The following MMP21 variants were observed in gnomAD, a reference collection of about 807,000 sequenced individuals.
MMP21 encodes the protein matrix metalloproteinase-21.
MMP21 carries 40 observed loss-of-function variants against 47.8 expected under a neutral mutation model. That is an observed-to-expected ratio of 0.84 (90% CI 0.65 to 1.09). The LOEUF is 1.09. MMP21 is among the 50% of genes least tolerant of loss of function. The probability of loss-of-function intolerance (pLI) is 0.00; values close to 1 mark genes in which losing one functional copy is unlikely to be tolerated. For missense variants in MMP21, 747 were observed against 775.3 expected, an observed-to-expected ratio of 0.96 and a Z score of 0.43; for synonymous variants, 341 against 318.0, an observed-to-expected ratio of 1.07 and a Z score of -0.77.
intron 5 of MMP21, 125 bp downstream of exon 5, chr10:125,770,209 C>T (rs61871473): frequency 2.0e-6 from 2 of 1,025,522 alleles, no homozygotes; most frequent in Non-Finnish European, 2.9e-6. Context: ...TCTGATGGAG[C>T]AGACAGAAAT....
intron 5 of MMP21, among the ~76,000 whole-genome samples, chr10:125,767,980 C>T (rs1850404652): frequency 6.6e-6 from 1 of 152,060 alleles, no homozygotes; most frequent in Non-Finnish European, 1.5e-5. Context: ...AAACCCTGCC[C>T]CATGAACATC....
Position 125,775,660 on chromosome 10 carries a change from C to A in MMP21, c.162G>T (p.Gln54His), listed in dbSNP as rs1850508799. Residue 54 changes from glutamine (Q) to histidine (H), a missense_variant and splice_region_variant, in exon 1 of 7, where the codon CAG (glutamine) becomes CAT (histidine). Gln to His is a conservative substitution (Grantham distance 24). Transcript: ENST00000368808. ...AKPIADLHAA[Q>H]RFLSRYGWSG... is the part of the protein sequence containing the mutation. ...TGCTGTTCTTCCAGCTTCCTCCTAC[C>A]TGAGCAGCGTGGAGGTCGGCAATGG... 1 of 1,603,320 alleles carries A rather than the reference C, an allele frequency of 6.2e-7. No homozygotes were observed.
In MMP21 at chr10:125,774,348, G is replaced by T; in HGVS notation, c.180C>A (p.Tyr60Ter). 1 of 1,383,172 alleles carries T rather than the reference G, an allele frequency of 7.2e-7. No homozygotes were observed. Among genetic ancestry groups the T allele is most frequent in the Non-Finnish European group, 9.3e-7 (1 of 1,073,350 alleles). The allele number at this position is 1,383,172 out of a possible 1,614,324, so 85.7% of individuals were successfully genotyped here. A position where few individuals can be genotyped will look rare whatever the true frequency, so the allele number is the denominator to read the frequency against. ...LHAAQRFLSR[Y>*]GWSGVWAAWG... ...AGGCCGCCCACACCCCTGACCAGCC[G>T]TATCTGGACAGGAACCGCTGTGGGA... is the stretch of plus-strand genomic sequence containing the variant. The change falls in exon 2 of 7, where the codon TAC becomes TAA. Residue 60 changes from tyrosine (Y) to a stop codon, truncating the protein, a stop_gained. Transcript: ENST00000368808. LOFTEE classifies it high-confidence loss of function.
intron 1 of MMP21, among the ~76,000 whole-genome samples, chr10:125,774,771 GGGGCAGGTCGCGCA>G (rs1264064336): frequency 6.6e-6 from 1 of 152,164 alleles, no homozygotes; most frequent in Non-Finnish European, 1.5e-5. Flanking sequence ...CCGGCCTTGC[GGGGCAGGTCGCGCA>G]GGGCAGGTCG....
rs1373017175 is a variant in MMP21, at chr10:125,772,607, T to C, written c.837+4A>G. ...TATCAACACAGTGGCTCAGGACCAC[T>C]GACCTTGAGAAGGCTGATGCCCGTG... On this transcript the variant is annotated splice_donor_region_variant and intron_variant, in intron 3 of 6. Transcript: ENST00000368808. This position sits in a 1 kb window ranked among gnomAD's most constrained non-coding sequence, Gnocchi z 5.6. 17 of 1,614,104 alleles carry C rather than the reference T, an allele frequency of 1.1e-5. No individual in the cohort carries two copies. Among genetic ancestry groups the C allele is most frequent in the Non-Finnish European group, 1.4e-5 (16 of 1,180,040 alleles).
chr10:125,775,596 C>A, intron 1 of MMP21, 64 bp downstream of exon 1: 1 of 1,499,500 alleles, frequency 6.7e-7, no homozygotes, highest in Admixed American at 2.1e-5. Flanking sequence ...TGCGCGCGTG[C>A]GCATGTGCCT....
chr10:125,766,979 T>A lies in MMP21; in HGVS notation c.1411-18A>T. Reference sequence around the variant, plus strand: ...GCAAATACCTGCAAAGCAAATAAGATAGACTGGCTCTTCTGAAAATTATTA... The same window carrying A: ...GCAAATACCTGCAAAGCAAATAAGAAAGACTGGCTCTTCTGAAAATTATTA... On this transcript the variant is annotated intron_variant, in intron 6 of 6. Coordinates refer to ENST00000368808, the MANE Select transcript of MMP21 (RefSeq NM_147191.1). 1 of 1,538,480 alleles carries A rather than the reference T, an allele frequency of 6.5e-7. No homozygotes were observed. The highest frequency in any genetic ancestry group is 8.7e-7 in the Non-Finnish European group (1 of 1,148,160).
At chr10:125,775,576 C>T (rs1457650985) in intron 1 of MMP21, 84 bp downstream of exon 1, 3 of 1,469,144 alleles carry the variant, frequency 2.0e-6, no homozygotes, top group Admixed American at 4.7e-5. Context: ...GGCATCCTGG[C>T]CTGTGCCTGT....
In MMP21 at chr10:125,773,537, C is replaced by T. The variant is rs1300584800; in HGVS notation, c.697+294G>A. Among the ~76,000 whole-genome samples the T allele has an allele frequency of 1.3e-5, 2 of 152,160 alleles. No homozygotes were observed. The highest frequency in any genetic ancestry group is 2.9e-5 in the Non-Finnish European group (2 of 68,016). On this transcript the variant is annotated intron_variant, in intron 2 of 6. Transcript: ENST00000368808. The surrounding 1 kb of genome is among the most constrained non-coding windows in gnomAD (Gnocchi z 4.8). ...CCCCAGCTGCTGCTCCCTAGGGAAG[C>T]TGGAGGCACAGGCAGGGGGCCCGAG...
Position 125,770,495 on chromosome 10 carries a change from A to G in MMP21, c.1076T>C (p.Phe359Ser), listed in dbSNP as rs781243308. 9 of 1,614,164 alleles carry G rather than the reference A, an allele frequency of 5.6e-6. No individual in the cohort carries two copies. The highest frequency in any genetic ancestry group is 1.6e-4 in the Middle Eastern group (1 of 6,062). Residue 359 changes from phenylalanine (F) to serine (S), a missense_variant, in exon 5 of 7, where the codon TTC becomes TCC. Coordinates refer to ENST00000368808, the MANE Select transcript of MMP21 (RefSeq NM_147191.1). ...EVMVRFSTYF[F>S]RNSWYWLYEN... ...ATAAAGCCAGTACCAGCTGTTACGG[A>G]AGAAATATGTGCTAAATCTCACCAT...
Position 125,772,378 on chromosome 10 carries a change from C to T in MMP21, c.838-19G>A. On this transcript the variant is annotated intron_variant, in intron 3 of 6. Transcript: ENST00000368808. This position sits in a 1 kb window ranked among gnomAD's most constrained non-coding sequence, Gnocchi z 5.6. ...CGGCCACCTAGAAGGGGACACACAC[C>T]ATGGGTGCTGGGTGAAGCCTGGGCG... is the stretch of plus-strand genomic sequence containing the variant. 6.2e-7 allele frequency: 1 copy of T among 1,613,692 alleles called. No homozygotes were observed. Among genetic ancestry groups the T allele is most frequent in the African/African-American group, 1.3e-5 (1 of 75,036 alleles).
chr10:125,774,271 G>T lies in MMP21; in HGVS notation c.257C>A (p.Ala86Asp). The T allele has an allele frequency of 7.1e-7, 1 of 1,416,290 alleles. No individual in the cohort carries two copies. Among genetic ancestry groups the T allele is most frequent in the Non-Finnish European group, 9.2e-7 (1 of 1,091,994 alleles). 87.7% of individuals were successfully genotyped at this position (1,416,290 alleles called of 1,614,324 possible). ...CCGCTGGAACCTGCGCACCGCCTCGGCCAGGGCGGCGCCCTTGGGGGTCTC... is the reference window on the plus strand; with the variant it reads ...CCGCTGGAACCTGCGCACCGCCTCGTCCAGGGCGGCGCCCTTGGGGGTCTC... ...PPETPKGAAL[A>D]EAVRRFQRAN... The change falls in exon 2 of 7, where the codon GCC (alanine) becomes GAC (aspartate). Residue 86 changes from alanine (A) to aspartate (D), a missense_variant. Ala to Asp is a moderately radical substitution (Grantham distance 126). Transcript: ENST00000368808.
In MMP21 at chr10:125,774,077, A is replaced by G. The variant is rs751529435; in HGVS notation, c.451T>C (p.Ser151Pro). 872 of 1,399,270 alleles carry G rather than the reference A, an allele frequency of 6.2e-4. No homozygotes were observed. The highest frequency in any genetic ancestry group is 6.4e-4 in the Non-Finnish European group (697 of 1,081,572). 86.7% of individuals were successfully genotyped at this position (1,399,270 alleles called of 1,614,324 possible). A position where few individuals can be genotyped will look rare whatever the true frequency, so the allele number is the denominator to read the frequency against. The change falls in exon 2 of 7, where the codon TCC (serine) becomes CCC (proline). Residue 151 changes from serine to proline, a missense_variant. Transcript: ENST00000368808. ...RSRRSPRAPL[S>P]LSRRGWQPRG... ...GGCTGCCAACCCCGCCGGGACAAGG[A>G]CAGCGGCGCCCGCGGGGAGCGCCTG...
chr10:125,774,042 G>C lies in MMP21; in HGVS notation c.486C>G (p.Tyr162Ter). Reference sequence around the variant, plus strand: ...AGGCCTGGGCAGCTCCGCCGTCGGGGTAGCCCCGGGGCTGCCAACCCCGCC... The same window carrying C: ...AGGCCTGGGCAGCTCCGCCGTCGGGCTAGCCCCGGGGCTGCCAACCCCGCC... ...LSRRGWQPRG[Y>*]PDGGAAQAFS... Residue 162 changes from tyrosine to a stop codon, truncating the protein, a stop_gained, in exon 2 of 7, where the codon TAC (tyrosine) becomes TAG (stop). Coordinates refer to ENST00000368808, the MANE Select transcript of MMP21 (RefSeq NM_147191.1). LOFTEE classifies it high-confidence loss of function. 1 of 1,482,272 alleles carries C rather than the reference G, an allele frequency of 6.7e-7. No homozygotes were observed. Among genetic ancestry groups the C allele is most frequent in the Non-Finnish European group, 8.9e-7 (1 of 1,120,814 alleles). 91.8% of individuals were successfully genotyped at this position (1,482,272 alleles called of 1,614,324 possible).
chr10:125,770,458 G>GT lies in MMP21; in HGVS notation c.1112dup (p.Asn371LysfsTer3). 2 of 1,614,150 alleles carry GT rather than the reference G, an allele frequency of 1.2e-6. No individual in the cohort carries two copies. Among genetic ancestry groups the GT allele is most frequent in the Non-Finnish European group, 1.7e-6 (2 of 1,180,016 alleles). ...TAGGGTCCCCATAGCGTGTCCTATT[G>GT]TTTCGATTTTCATAAAGCCAGTACC... On this transcript the variant is annotated frameshift_variant, in exon 5 of 7. Transcript: ENST00000368808. LOFTEE classifies it high-confidence loss of function.
chr10:125,767,019 AT>A, intron 6 of MMP21, 58 bp from the exon 7 acceptor site: 1 of 1,371,898 alleles, frequency 7.3e-7, no homozygotes. Context: ...TTTTTGGTTA[AT>A]TTATAACAAT....
Position 125,774,029 on chromosome 10 carries a change from C to A in MMP21, c.499G>T (p.Ala167Ser). ...WQPRGYPDGGAAQAFSKRTLS... is the reference protein window; with the variant it reads ...WQPRGYPDGGSAQAFSKRTLS... ...GTCCTCTTGGAGAAGGCCTGGGCAG[C>A]TCCGCCGTCGGGGTAGCCCCGGGGC... Residue 167 changes from alanine (A) to serine (S), a missense_variant, in exon 2 of 7, where the codon GCT (alanine) becomes TCT (serine). Physicochemically the swap from Ala to Ser is moderately conservative, Grantham distance 99. Coordinates refer to ENST00000368808, the MANE Select transcript of MMP21 (RefSeq NM_147191.1). 2.0e-6 allele frequency: 3 copies of A among 1,504,064 alleles called. No individual in the cohort carries two copies. Among genetic ancestry groups the A allele is most frequent in the East Asian group, 2.7e-5 (1 of 36,724 alleles). 93.2% of individuals were successfully genotyped at this position (1,504,064 alleles called of 1,614,324 possible).
chr10:125,768,691 A>C (rs1850412002), intron 5 of MMP21, among the ~76,000 whole-genome samples: 1 of 152,262 alleles, frequency 6.6e-6, no homozygotes, highest in Non-Finnish European at 1.5e-5. Context: ...GCAAATTAAG[A>C]TGTTTTTAAA....
rs1484479119 is a variant in MMP21 at position 125,766,564 on chromosome 10, GC to G, written c.*97del. ...TTCCCATTGGGTTTTAACTTACAGT[GC>G]CATATTTTCTTCAGCTACTGAAAAT... On this transcript the variant is annotated 3_prime_UTR_variant, in exon 7 of 7. Coordinates refer to ENST00000368808, the MANE Select transcript of MMP21 (RefSeq NM_147191.1). 1 of 969,032 alleles carries G rather than the reference GC, an allele frequency of 1.0e-6. No homozygotes were observed. Among genetic ancestry groups the G allele is most frequent in the Non-Finnish European group, 1.5e-6 (1 of 666,982 alleles). 60.0% of individuals were successfully genotyped at this position (969,032 alleles called of 1,614,324 possible).
Sources: gnomAD v4.1 joint callset for allele counts (sites outside exome capture counted in the v4.1 genomes callset) on GRCh38, gnomAD v4.1.1 for gene constraint, Gnocchi (gnomAD v3.1) non-coding constraint, MANE v1.5 for transcripts, NCBI Gene and HGNC (gene_info 2026-07-23, HGNC 2026-07-21) for gene names.